Variants in PTPRR observed in about 807,000 individuals in gnomAD.
The protein encoded by PTPRR is receptor-type tyrosine-protein phosphatase R.
In PTPRR, 38 loss-of-function variants were observed where a neutral mutation model predicts 77.2. The observed-to-expected ratio is 0.49, with a 90% CI of 0.38 to 0.65. The LOEUF (loss-of-function observed/expected upper bound fraction) is 0.65. PTPRR is among the 30% of genes least tolerant of loss of function. PTPRR has a pLI of 0.00. For missense variants in PTPRR, 744 were observed against 799.2 expected, an observed-to-expected ratio of 0.93 and a Z score of 0.83; for synonymous variants, 299 against 283.1, an observed-to-expected ratio of 1.06 and a Z score of -0.57.
chr12:70,881,903 T>C (rs907797153), intron 2 of PTPRR, among the ~76,000 whole-genome samples: 6 of 152,204 alleles, frequency 3.9e-5, no homozygotes, highest in African/African-American at 1.4e-4. Flanking sequence ...AAGGAAAGGA[T>C]ATTTTCTTTT....
At chr12:70,731,648 A>C (rs1889667000) in intron 6 of PTPRR, among the ~76,000 whole-genome samples, 1 of 152,200 alleles carries the variant, frequency 6.6e-6, no homozygotes. Context: ...AGCACCCGTG[A>C]AGGAGGTGGC....
chr12:70,900,499 G>A (rs1487520581), intron 1 of PTPRR, among the ~76,000 whole-genome samples: 1 of 151,122 alleles, frequency 6.6e-6, no homozygotes, highest in Non-Finnish European at 1.5e-5. Context: ...CAAAAGCACA[G>A]GCAACTGAAG....
At chr12:70,713,164 C>G (rs888264322) in intron 6 of PTPRR, among the ~76,000 whole-genome samples, 3 of 152,104 alleles carry the variant, frequency 2.0e-5, no homozygotes, top group African/African-American at 7.2e-5. Flanking sequence ...TGTGTCTTGT[C>G]TGACTTCTTT....
chr12:70,891,281 G>A (rs758727246), intron 2 of PTPRR, among the ~76,000 whole-genome samples: 2 of 152,068 alleles, frequency 1.3e-5, no homozygotes, highest in African/African-American at 2.4e-5. Context: ...GATAGAACAA[G>A]CCTCTTGAAC....
At chr12:70,719,129 C>T (rs1343214859) in intron 6 of PTPRR, among the ~76,000 whole-genome samples, 5 of 152,238 alleles carry the variant, frequency 3.3e-5, no homozygotes, top group South Asian at 2.1e-4. Flanking sequence ...AAATACGCTA[C>T]GGAAATCATT....
At chr12:70,844,859 A>G (rs12422641) in intron 2 of PTPRR, among the ~76,000 whole-genome samples, 16,730 of 152,266 alleles carry the variant, frequency 0.11, 1,225 homozygotes, top group Non-Finnish European at 0.17. Flanking sequence ...ATACCAATAT[A>G]GTATAAGTCA....
chr12:70,701,513 T>C (rs1465546230), intron 6 of PTPRR, among the ~76,000 whole-genome samples, 190 bp from the exon 7 acceptor site: 1 of 152,212 alleles, frequency 6.6e-6, no homozygotes, highest in East Asian at 1.9e-4. Context: ...ATAACAATTT[T>C]GTTGTTGGAA....
intron 2 of PTPRR, among the ~76,000 whole-genome samples, chr12:70,776,540 C>G (rs1891091873): frequency 6.6e-6 from 1 of 152,080 alleles, no homozygotes; most frequent in South Asian, 2.1e-4. Context: ...CCAAATTTGC[C>G]CTGTCCTTCC....
chr12:70,733,556 T>G (rs1703474127), intron 6 of PTPRR, among the ~76,000 whole-genome samples: 1 of 149,984 alleles, frequency 6.7e-6, no homozygotes, highest in African/African-American at 2.5e-5. Flanking sequence ...TGTGTCAACA[T>G]GAAGTTCTCC....
chr12:70,678,187 C>T (rs774720540), intron 10 of PTPRR, among the ~76,000 whole-genome samples: 15 of 152,076 alleles, frequency 9.9e-5, no homozygotes, highest in Admixed American at 3.3e-4. Context: ...ATTATAGGCA[C>T]GCACCACCAA....
intron 10 of PTPRR, among the ~76,000 whole-genome samples, chr12:70,678,828 T>A (rs191202471): frequency 6.6e-6 from 1 of 152,130 alleles, no homozygotes; most frequent in Admixed American, 6.5e-5. Context: ...ATTACAGGTG[T>A]GTACCACCAG....
In PTPRR at chr12:70,876,919, T is replaced by C. The variant is rs542478029; in HGVS notation, c.357+15760A>G. 6.5e-4 allele frequency among the ~76,000 whole-genome samples: 99 copies of C among 152,266 alleles called. 1 individual carries two copies. Among genetic ancestry groups the C allele is most frequent in the African/African-American group, 2.2e-3 (92 of 41,552 alleles). ...CAAGTGTTGGGTAGCACATTCTGGC[T>C]GATGGAAAAGATGTTTGGGCTCTCA... On this transcript the variant is annotated intron_variant, in intron 2 of 13. Transcript: ENST00000283228.
intron 2 of PTPRR, among the ~76,000 whole-genome samples, chr12:70,873,655 G>A (rs1892999583): frequency 6.6e-6 from 1 of 152,102 alleles, no homozygotes; most frequent in African/African-American, 2.4e-5. Flanking sequence ...TGGATGTACA[G>A]GACCACACTT....
rs184109963 is a variant in PTPRR, at chr12:70,729,620, C to T, written c.1007+16198G>A. Reference sequence around the variant, plus strand: ...ATTAACACTTACTTCTAGATTATAACTATGCCCACCATAACCACTTTTACC... The same window carrying T: ...ATTAACACTTACTTCTAGATTATAATTATGCCCACCATAACCACTTTTACC... On this transcript the variant is annotated intron_variant, in intron 6 of 13. Coordinates refer to ENST00000283228, the MANE Select transcript of PTPRR (RefSeq NM_002849.4). Among the ~76,000 whole-genome samples the T allele has an allele frequency of 3.8e-3, 577 of 152,246 alleles. 5 individuals are homozygous for T. Among genetic ancestry groups the T allele is most frequent in the African/African-American group, 0.014 (567 of 41,550 alleles).
At chr12:70,770,987 C>T (rs1157671953) in intron 2 of PTPRR, among the ~76,000 whole-genome samples, 1 of 114,296 alleles carries the variant, frequency 8.7e-6, no homozygotes, top group Non-Finnish European at 1.7e-5. Context: ...GGGAACATCA[C>T]ACTCTGGGGA....
At position 70,764,776 on chromosome 12, in the gene PTPRR, T is replaced by G; in HGVS notation, c.360A>C (p.Thr120=). 3 of 1,609,996 alleles carry G rather than the reference T, an allele frequency of 1.9e-6. No homozygotes were observed. Among genetic ancestry groups the G allele is most frequent in the Non-Finnish European group, 2.6e-6 (3 of 1,176,214 alleles). Residue 120 remains threonine, a splice_region_variant and synonymous_variant, in exon 3 of 14, where the codon ACA becomes ACC. Coordinates refer to ENST00000283228, the MANE Select transcript of PTPRR (RefSeq NM_002849.4). ...TCAGCTTGTTTACATCCATTTGCAGTGTCTAGAAAATAAGGACAAAAATAA... is the reference window on the plus strand; with the variant it reads ...TCAGCTTGTTTACATCCATTTGCAGGGTCTAGAAAATAAGGACAAAAATAA... ...PIPAANVIVV[T]LQMDVNKLNI... is the part of the protein sequence containing the mutation.
intron 2 of PTPRR, among the ~76,000 whole-genome samples, chr12:70,810,605 T>A (rs1195156894): frequency 6.6e-6 from 1 of 152,120 alleles, no homozygotes; most frequent in Non-Finnish European, 1.5e-5. Context: ...AATATGAAAA[T>A]CATACCAAAA....
chr12:70,790,598 C>A (rs1320083173), intron 2 of PTPRR, among the ~76,000 whole-genome samples: 1 of 152,114 alleles, frequency 6.6e-6, no homozygotes, highest in African/African-American at 2.4e-5. Flanking sequence ...CATCCAATTG[C>A]ATCCTTGACA....
At chr12:70,712,468 T>C (rs1888860361) in intron 6 of PTPRR, among the ~76,000 whole-genome samples, 1 of 151,190 alleles carries the variant, frequency 6.6e-6, no homozygotes. Context: ...TCATCCAGTG[T>C]CAGATAAAAT....
Sources: gnomAD v4.1 joint callset for allele counts (sites outside exome capture counted in the v4.1 genomes callset) on GRCh38, gnomAD v4.1.1 for gene constraint, MANE v1.5 for transcripts, NCBI Gene and HGNC (gene_info 2026-07-23, HGNC 2026-07-21) for gene names.